CDH4: variants seen among roughly 807,000 people sequenced by gnomAD.
CDH4 encodes the protein cadherin 4.
In CDH4, 33 loss-of-function variants were observed where a neutral mutation model predicts 86.0. The ratio of observed to expected loss-of-function variants is 0.38; its 90% CI spans 0.29 to 0.51. The LOEUF (loss-of-function observed/expected upper bound fraction) is 0.51, where lower values mean the gene tolerates loss of function less well. CDH4 is among the 20% of genes least tolerant of loss of function. The pLI, the probability that CDH4 is intolerant of heterozygous loss-of-function variation, is 0.86. For missense variants in CDH4, 1,114 were observed against 1,307.4 expected (o/e 0.85, Z 2.28); for synonymous variants, 555 against 549.4 (o/e 1.01, Z -0.14).
chr20:61,819,864 A>G (rs1980925002), intron 4 of CDH4, among the ~76,000 whole-genome samples: 1 of 152,216 alleles, frequency 6.6e-6, no homozygotes. Context: ...GTTATTGTTC[A>G]GCAGGCCTGG....
At chr20:61,525,410 C>G (rs542379966) in intron 2 of CDH4, among the ~76,000 whole-genome samples, 1 of 152,124 alleles carries the variant, frequency 6.6e-6, no homozygotes, top group Non-Finnish European at 1.5e-5. Context: ...GCTGGGGAAG[C>G]GGGCTGTGCT....
intron 2 of CDH4, among the ~76,000 whole-genome samples, chr20:61,333,070 T>C (rs1460661558): frequency 6.6e-6 from 1 of 152,256 alleles, no homozygotes; most frequent in East Asian, 1.9e-4. Context: ...TTTTGGCTTC[T>C]AAGAAACTTA....
chr20:61,612,873 C>G (rs2086695764), intron 2 of CDH4, among the ~76,000 whole-genome samples: 1 of 152,038 alleles, frequency 6.6e-6, no homozygotes, highest in Non-Finnish European at 1.5e-5. Context: ...TCATTGGTCT[C>G]TTTGGTCTTT....
At chr20:61,458,621 G>C (rs1211602948) in intron 2 of CDH4, among the ~76,000 whole-genome samples, 1 of 152,100 alleles carries the variant, frequency 6.6e-6, no homozygotes, top group African/African-American at 2.4e-5. Flanking sequence ...AATGACTGGT[G>C]ACAGTAGTGG....
chr20:61,867,939 A>T (rs1350900392), intron 6 of CDH4, among the ~76,000 whole-genome samples: 2 of 152,210 alleles, frequency 1.3e-5, no homozygotes, highest in African/African-American at 4.8e-5. Context: ...CTTCTCTGTG[A>T]GGAAGACATT....
intron 2 of CDH4, among the ~76,000 whole-genome samples, chr20:61,301,701 C>G (rs2084387154): frequency 6.6e-6 from 1 of 152,120 alleles, no homozygotes; most frequent in Non-Finnish European, 1.5e-5. Flanking sequence ...CTTTACACAT[C>G]AAAATATTTC....
At chr20:61,629,044 G>A (rs545010670) in intron 2 of CDH4, among the ~76,000 whole-genome samples, 5 of 152,360 alleles carry the variant, frequency 3.3e-5, no homozygotes, top group East Asian at 1.9e-4. Flanking sequence ...CTCTCTCTGC[G>A]GGAGCCGCCT....
intron 2 of CDH4, among the ~76,000 whole-genome samples, chr20:61,498,116 T>C (rs1203947314): frequency 1.3e-5 from 2 of 149,066 alleles, no homozygotes; most frequent in Non-Finnish European, 3.0e-5. Flanking sequence ...AAATGACGAG[T>C]TAATGGGTGC....
At chr20:61,671,285 A>G (rs1249316168) in intron 2 of CDH4, among the ~76,000 whole-genome samples, 1 of 152,222 alleles carries the variant, frequency 6.6e-6, no homozygotes, top group Non-Finnish European at 1.5e-5. Context: ...TAAGGCCAGG[A>G]GTTTGAAATC....
intron 2 of CDH4, among the ~76,000 whole-genome samples, chr20:61,557,702 G>A (rs1308481805): frequency 1.3e-5 from 2 of 149,392 alleles, no homozygotes; most frequent in Non-Finnish European, 3.0e-5. Context: ...CTTCGATTTC[G>A]GCGGGAGAGG....
chr20:61,929,775 A>G lies in CDH4; in HGVS notation c.2172A>G (p.Ala724=). ...ACGGGGACTGCACCACCATTGGCGC[A>G]GTGGCAGCGGCTGGTCTGGGCACCG... ...DDNGDCTTIG[A]VAAAGLGTGA... Residue 724 remains alanine, a synonymous_variant, in exon 13 of 16, where the codon GCA becomes GCG. Transcript: ENST00000614565. 1 of 1,614,148 alleles carries G rather than the reference A, an allele frequency of 6.2e-7. No individual in the cohort carries two copies. Among genetic ancestry groups the G allele is most frequent in the Admixed American group, 1.7e-5 (1 of 60,036 alleles).
intron 2 of CDH4, among the ~76,000 whole-genome samples, chr20:61,338,954 CAAACAA>C (rs897630816): frequency 2.6e-5 from 4 of 152,098 alleles, no homozygotes; most frequent in Admixed American, 1.3e-4. Flanking sequence ...ATGGCAAAAA[CAAACAA>C]AAAGAAACCA....
intron 2 of CDH4, among the ~76,000 whole-genome samples, chr20:61,272,451 G>A (rs536268633): frequency 3.3e-5 from 5 of 152,158 alleles, no homozygotes; most frequent in African/African-American, 1.2e-4. Context: ...CATCCCTTCC[G>A]TGCAGTTATC....
chr20:61,305,411 G>A (rs908070803), intron 2 of CDH4, among the ~76,000 whole-genome samples: 2 of 152,200 alleles, frequency 1.3e-5, no homozygotes, highest in Non-Finnish European at 2.9e-5. Flanking sequence ...CACTCCCGGG[G>A]GAGGTGGGGC....
rs1266877043 is a variant in CDH4, at chr20:61,565,278, GTGATGGGGTGATGGTGGTGGCGGTGCTCT to G, written c.170-178282_170-178254del. Among the ~76,000 whole-genome samples, 12 of 119,642 alleles carry G rather than the reference GTGATGGGGTGATGGTGGTGGCGGTGCTCT, an allele frequency of 1.0e-4. 2 individuals carry two copies. Among genetic ancestry groups the G allele is most frequent in the African/African-American group, 3.1e-4 (10 of 32,164 alleles). 78.5% of individuals were successfully genotyped at this position (119,642 alleles called of 152,430 possible). A position where few individuals can be genotyped will look rare whatever the true frequency, so the allele number is the denominator to read the frequency against. ...GGTGATGGTGGTGGTGGTCCTCTTG[GTGATGGGGTGATGGTGGTGGCGGTGCTCT>G]TGGTGGTGGCGGTGCTCTTGGTGAT... On this transcript the variant is annotated intron_variant, in intron 2 of 15. Transcript: ENST00000614565.
At chr20:61,834,264 G>GC (rs898376422) in intron 4 of CDH4, among the ~76,000 whole-genome samples, 22 of 152,268 alleles carry the variant, frequency 1.4e-4, no homozygotes, top group East Asian at 7.7e-4. Flanking sequence ...GCTGCCCCTT[G>GC]CCCCCCCTCA....
chr20:61,632,622 TC>T (rs1488995828), intron 2 of CDH4, among the ~76,000 whole-genome samples: 1 of 151,058 alleles, frequency 6.6e-6, no homozygotes, highest in Admixed American at 6.6e-5. Flanking sequence ...ACTCGTCTGC[TC>T]ACATCCATCC....
At chr20:61,253,209 C>T (rs1351873719) in intron 1 of CDH4, among the ~76,000 whole-genome samples, 1 of 151,206 alleles carries the variant, frequency 6.6e-6, no homozygotes, top group African/African-American at 2.4e-5. Context: ...TCCGGCGGGG[C>T]CCCGGGGGCT....
At chr20:61,840,798 G>T (rs545001188) in intron 4 of CDH4, among the ~76,000 whole-genome samples, 2 of 152,328 alleles carry the variant, frequency 1.3e-5, no homozygotes, top group East Asian at 3.9e-4. Context: ...AACTGTGGGA[G>T]AATTCAGAGC....
Sources: allele counts gnomAD v4.1 joint callset (sites outside exome capture counted in the v4.1 genomes callset), GRCh38; gene constraint gnomAD v4.1.1; transcripts MANE v1.5; gene names NCBI Gene and HGNC (gene_info 2026-07-23, HGNC 2026-07-21).